The following TMEM161B variants were observed in gnomAD, a reference collection of about 807,000 sequenced individuals.
TMEM161B encodes transmembrane protein 161B.
In TMEM161B, 34 loss-of-function variants were observed where a neutral mutation model predicts 61.8. The ratio of observed to expected loss-of-function variants is 0.55; its 90% CI spans 0.42 to 0.73. TMEM161B has a LOEUF of 0.73. Among genes scored for constraint, TMEM161B ranks in the 30% least tolerant of loss-of-function variants. The pLI is 0.00. For missense variants in TMEM161B, 456 were observed against 558.5 expected (o/e 0.82, Z 1.85); for synonymous variants, 167 against 192.8 (o/e 0.87, Z 1.11).
chr5:88,211,619 G>A (rs768405728), intron 5 of TMEM161B, among the ~76,000 whole-genome samples: 16 of 151,558 alleles, frequency 1.1e-4, no homozygotes, highest in African/African-American at 1.9e-4. Context: ...TTAGCCGGGC[G>A]TGGCGGCGGG....
chr5:88,222,670 A>T (rs563893536), intron 4 of TMEM161B, among the ~76,000 whole-genome samples: 26 of 152,210 alleles, frequency 1.7e-4, no homozygotes, highest in Non-Finnish European at 3.1e-4. Context: ...CAGTGAAGTG[A>T]CATTCAAAAG....
chr5:88,223,785 A>G (rs1049897808), intron 4 of TMEM161B, among the ~76,000 whole-genome samples: 3 of 152,100 alleles, frequency 2.0e-5, no homozygotes, highest in Non-Finnish European at 4.4e-5. Context: ...GCTACTCAGG[A>G]GGCTGAGGCA....
intron 5 of TMEM161B, among the ~76,000 whole-genome samples, chr5:88,209,571 C>T (rs1746271434): frequency 1.3e-5 from 2 of 152,194 alleles, no homozygotes; most frequent in African/African-American, 2.4e-5. Flanking sequence ...TGATCTTGCA[C>T]TTATCACTAA....
At chr5:88,201,550 T>C (rs1006210091) in intron 9 of TMEM161B, 2 of 152,114 alleles carry the variant, frequency 1.3e-5, no homozygotes, top group Admixed American at 6.6e-5. Flanking sequence ...ATAAGTGTTT[T>C]ATAAATGCTA....
chr5:88,228,406 GT>G, intron 3 of TMEM161B, 38 bp downstream of exon 3: 3 of 1,363,424 alleles, frequency 2.2e-6, no homozygotes, highest in Non-Finnish European at 3.1e-6. Context: ...TATAAATTGT[GT>G]TAAATATTTA....
chr5:88,258,145 A>T (rs1017452268), intron 1 of TMEM161B, among the ~76,000 whole-genome samples: 6 of 152,194 alleles, frequency 3.9e-5, no homozygotes, highest in South Asian at 2.1e-4. Context: ...TCAAGAACTA[A>T]ATGTCTCAAT....
At chr5:88,210,179 A>C (rs1746423755) in intron 5 of TMEM161B, among the ~76,000 whole-genome samples, 1 of 152,180 alleles carries the variant, frequency 6.6e-6, no homozygotes, top group Non-Finnish European at 1.5e-5. Context: ...GCCAGTCCAC[A>C]ACCTCACAGG....
chr5:88,255,360 C>T (rs533305598), intron 1 of TMEM161B, among the ~76,000 whole-genome samples: 43 of 152,058 alleles, frequency 2.8e-4, no homozygotes, highest in Admixed American at 6.6e-4. Flanking sequence ...ATACCTGCAG[C>T]GCTTACAGAC....
chr5:88,203,750 C>A (rs1328365363), intron 8 of TMEM161B, among the ~76,000 whole-genome samples: 2 of 93,824 alleles, frequency 2.1e-5, no homozygotes, highest in Non-Finnish European at 2.0e-5. Context: ...ATTTCCCTAT[C>A]ATATATATAT....
intron 1 of TMEM161B, among the ~76,000 whole-genome samples, chr5:88,252,642 T>C (rs188750123): frequency 4.3e-4 from 65 of 152,278 alleles, no homozygotes; most frequent in African/African-American, 1.1e-3. Flanking sequence ...GGTAGAATAC[T>C]AGAACCACTG....
At position 88,198,975 on chromosome 5, in the gene TMEM161B, C is replaced by G. The variant is rs1580329111; in HGVS notation, c.1089+1G>C. On this transcript the variant is annotated splice_donor_variant, in intron 10 of 11. Transcript: ENST00000296595. LOFTEE classifies it high-confidence loss of function. ...CATTTTGACTAGGGTATAAAACTTA[C>G]CATTTTCTGTAGCTCAACCGTGCTT... 6.2e-7 allele frequency: 1 copy of G among 1,608,740 alleles called. No homozygotes were observed. Among genetic ancestry groups the G allele is most frequent in the East Asian group, 2.2e-5 (1 of 44,750 alleles).
chr5:88,229,985 A>G (rs1750712488), intron 2 of TMEM161B, among the ~76,000 whole-genome samples: 2 of 152,036 alleles, frequency 1.3e-5, no homozygotes. Flanking sequence ...TGAAGCCAGG[A>G]GTTTGAGACC....
At position 88,220,739 on chromosome 5, in the gene TMEM161B, A is replaced by G. The variant is rs1166815334; in HGVS notation, c.290-20T>C. ...GCAATGCTGGAAAGAAAAAAAAAAA[A>G]AAAAAAAAAAAAGGTCAAAAAAAAC... On this transcript the variant is annotated intron_variant, in intron 4 of 11. Coordinates refer to ENST00000296595, the MANE Select transcript of TMEM161B (RefSeq NM_153354.5). 15 of 1,515,910 alleles carry G rather than the reference A, an allele frequency of 9.9e-6. No homozygotes were observed. In the African/African-American group the frequency reaches 1.3e-4, roughly 13 times the overall value. 93.9% of individuals were successfully genotyped at this position (1,515,910 alleles called of 1,614,324 possible).
At chr5:88,256,261 T>C (rs1179316983) in intron 1 of TMEM161B, among the ~76,000 whole-genome samples, 2 of 152,180 alleles carry the variant, frequency 1.3e-5, no homozygotes, top group Non-Finnish European at 2.9e-5. Flanking sequence ...CATTAAAGTG[T>C]TGACAAGGAA....
intron 9 of TMEM161B, chr5:88,202,687 GA>G: frequency 5.4e-6 from 2 of 372,144 alleles, no homozygotes; most frequent in East Asian, 7.1e-5. Context: ...AATGACAACA[GA>G]AAAATGATGA....
At chr5:88,208,297 C>T (rs1404218910) in intron 5 of TMEM161B, among the ~76,000 whole-genome samples, 1 of 152,004 alleles carries the variant, frequency 6.6e-6, no homozygotes, top group Non-Finnish European at 1.5e-5. Flanking sequence ...TGCTGGCTAA[C>T]ATGATGAAAC....
At chr5:88,252,820 T>C (rs1561419482) in intron 1 of TMEM161B, among the ~76,000 whole-genome samples, 2 of 152,206 alleles carry the variant, frequency 1.3e-5, no homozygotes, top group Non-Finnish European at 2.9e-5. Flanking sequence ...TGGAGACTGG[T>C]TGTAATAAGT....
intron 6 of TMEM161B, 59 bp downstream of exon 6, chr5:88,206,970 C>A: frequency 6.7e-7 from 1 of 1,503,570 alleles, no homozygotes; most frequent in South Asian, 1.2e-5. Context: ...ATACTGAAGT[C>A]AAAAATATTA....
At chr5:88,221,573 T>C (rs1257765236) in intron 4 of TMEM161B, 1 of 381,504 alleles carries the variant, frequency 2.6e-6, no homozygotes, top group East Asian at 7.3e-5. Flanking sequence ...ATAAAATGTC[T>C]GTTGATTTTC....
Sources: allele counts gnomAD v4.1 joint callset (sites outside exome capture counted in the v4.1 genomes callset), GRCh38; gene constraint gnomAD v4.1.1; transcripts MANE v1.5; gene names NCBI Gene and HGNC (gene_info 2026-07-23, HGNC 2026-07-21).